Variants in BCL6 observed in about 807,000 individuals in gnomAD.
The protein encoded by BCL6 is B-cell lymphoma 6 protein.
In BCL6, 7 loss-of-function variants were observed where a neutral mutation model predicts 59.5. That is an observed-to-expected ratio of 0.12 (90% CI 0.07 to 0.22). The LOEUF (loss-of-function observed/expected upper bound fraction) is 0.22, where lower values mean the gene tolerates loss of function less well. Ranked by LOEUF, BCL6 falls within the 10% of genes least tolerant of loss-of-function variation. BCL6 has a pLI of 1.00. For synonymous variants in BCL6, 339 were observed against 349.7 expected (o/e 0.97, Z 0.34); for missense variants, 685 against 939.4 (o/e 0.73, Z 3.54).
At chr3:187,745,148 T>A (rs535344746) in intron 1 of BCL6, among the ~76,000 whole-genome samples, 1 of 152,204 alleles carries the variant, frequency 6.6e-6, no homozygotes, top group Middle Eastern at 3.4e-3. Context: ...CATAACAATC[T>A]ATATCCTATG....
chr3:187,728,971 C>T, intron 5 of BCL6, 79 bp downstream of exon 5: 1 of 1,490,630 alleles, frequency 6.7e-7, no homozygotes, highest in Non-Finnish European at 8.9e-7. Context: ...CTCAGCAATT[C>T]AGGCAAGAAA....
chr3:187,745,146 T>G (rs1239646414), intron 1 of BCL6, among the ~76,000 whole-genome samples: 3 of 151,992 alleles, frequency 2.0e-5, no homozygotes, highest in South Asian at 2.1e-4. Context: ...TACATAACAA[T>G]CTATATCCTA....
intron 1 of BCL6, among the ~76,000 whole-genome samples, chr3:187,744,616 T>G (rs1711799604): frequency 1.3e-5 from 2 of 152,114 alleles, no homozygotes; most frequent in Admixed American, 6.5e-5. Context: ...CGCTTGCATT[T>G]TTTCCTTCCA....
At chr3:187,744,715 T>A (rs1711811392) in intron 1 of BCL6, among the ~76,000 whole-genome samples, 1 of 151,824 alleles carries the variant, frequency 6.6e-6, no homozygotes, top group Non-Finnish European at 1.5e-5. Context: ...CAGCCTCCCT[T>A]TTTGCCTCCC....
chr3:187,737,801 C>T (rs1201554931), intron 1 of BCL6: 1 of 128,794 alleles, frequency 7.8e-6, no homozygotes, highest in Non-Finnish European at 1.5e-5. Context: ...ATGCAGCAGG[C>T]AATGAGGGGA....
chr3:187,745,247 C>A (rs189043889), intron 1 of BCL6, among the ~76,000 whole-genome samples, 163 bp downstream of exon 1: 3 of 151,770 alleles, frequency 2.0e-5, no homozygotes, highest in South Asian at 2.1e-4. Flanking sequence ...TCAATAGATA[C>A]ACATAGAAAA....
At chr3:187,741,412 T>C (rs2108479844) in intron 1 of BCL6, among the ~76,000 whole-genome samples, 1 of 152,164 alleles carries the variant, frequency 6.6e-6, no homozygotes, top group Admixed American at 6.5e-5. Flanking sequence ...AAGTCGGGAA[T>C]AAACTCCTGA....
At position 187,725,091 on chromosome 3, in the gene BCL6, G is replaced by A. The variant is rs200695327; in HGVS notation, c.1840-13C>T. 6.2e-7 allele frequency: 1 copy of A among 1,613,736 alleles called. No homozygotes were observed. Among genetic ancestry groups the A allele is most frequent in the East Asian group, 2.2e-5 (1 of 44,880 alleles). On this transcript the variant is annotated splice_polypyrimidine_tract_variant and intron_variant, in intron 8 of 9. Transcript: ENST00000406870. This position sits in a 1 kb window ranked among gnomAD's most constrained non-coding sequence, Gnocchi z 4.7. ...GGAGGTGGGCCACCTGAACGAAGAA[G>A]AAGGCATGAGAGGTCTTCTGGGGTG...
intron 1 of BCL6, among the ~76,000 whole-genome samples, chr3:187,745,145 A>G (rs559225125): frequency 3.9e-5 from 6 of 152,126 alleles, no homozygotes; most frequent in South Asian, 4.2e-4. Context: ...ATACATAACA[A>G]TCTATATCCT....
At chr3:187,744,687 G>A (rs1711808408) in intron 1 of BCL6, among the ~76,000 whole-genome samples, 2 of 152,280 alleles carry the variant, frequency 1.3e-5, no homozygotes, top group African/African-American at 2.4e-5. Flanking sequence ...AAGAGAGCCA[G>A]CGGGGCGAGC....
At position 187,722,323 on chromosome 3, in the gene BCL6, CCAA is replaced by C; in HGVS notation, c.*132_*134del. Reference sequence around the variant, plus strand: ...CCCCAGGCCCCGACCCCCACCACCCCCAACCCCCAGCTATGATTTGCACTAGTG... The same window carrying C: ...CCCCAGGCCCCGACCCCCACCACCCCCCCCCAGCTATGATTTGCACTAGTG... On this transcript the variant is annotated 3_prime_UTR_variant, in exon 10 of 10. Coordinates refer to ENST00000406870, the MANE Select transcript of BCL6 (RefSeq NM_001706.5). 1.6e-5 allele frequency: 10 copies of C among 642,640 alleles called. No individual in the cohort carries two copies. Among genetic ancestry groups the C allele is most frequent in the East Asian group, 4.1e-5 (1 of 24,120 alleles). 39.8% of individuals were successfully genotyped at this position (642,640 alleles called of 1,614,324 possible). A position where few individuals can be genotyped will look rare whatever the true frequency, so the allele number is the denominator to read the frequency against.
intron 2 of BCL6, 169 bp downstream of exon 2, chr3:187,734,700 C>T (rs2108473163): frequency 6.5e-6 from 1 of 152,672 alleles, no homozygotes; most frequent in South Asian, 2.1e-4. Flanking sequence ...AGTGGTAAGA[C>T]AGTCTAATAC....
intron 1 of BCL6, 56 bp downstream of exon 1, chr3:187,745,345 CCAGCGGCAA>C (rs890666828): frequency 1.5e-5 from 6 of 401,182 alleles, no homozygotes; most frequent in Non-Finnish European, 2.6e-5. Flanking sequence ...GGCAGCGGCA[CCAGCGGCAA>C]CAGCGGCGGC....
At chr3:187,733,435 C>A (rs931455667) in intron 3 of BCL6, 98 bp downstream of exon 3, 1 of 1,410,780 alleles carries the variant, frequency 7.1e-7, no homozygotes, top group Non-Finnish European at 9.8e-7. Flanking sequence ...GAGACGTCAT[C>A]CCAGATGCAG....
Position 187,721,595 on chromosome 3 carries a change from G to A in BCL6, c.*863C>T, listed in dbSNP as rs1718414321. The A allele has an allele frequency of 8.6e-6, 2 of 233,008 alleles. No homozygotes were observed. The highest frequency in any genetic ancestry group is 8.5e-6 in the Non-Finnish European group (1 of 117,740). 14.4% of individuals were successfully genotyped at this position (233,008 alleles called of 1,614,324 possible). Reference sequence around the variant, plus strand: ...CTTCAAAAAGGGATGGTGCACGCTCGCCCATCATTGAAAACTTCCGTGAAA... The same window carrying A: ...CTTCAAAAAGGGATGGTGCACGCTCACCCATCATTGAAAACTTCCGTGAAA... On this transcript the variant is annotated 3_prime_UTR_variant, in exon 10 of 10. Transcript: ENST00000406870. The surrounding 1 kb of genome is among the most constrained non-coding windows in gnomAD (Gnocchi z 4.2).
rs1389762502 is a variant in BCL6, at chr3:187,725,265, A to C, written c.1840-187T>G. On this transcript the variant is annotated intron_variant, in intron 8 of 9. Coordinates refer to ENST00000406870, the MANE Select transcript of BCL6 (RefSeq NM_001706.5). The surrounding 1 kb of genome is among the most constrained non-coding windows in gnomAD (Gnocchi z 4.7). Reference sequence around the variant, plus strand: ...TGCCCACTCCTCTGCTCACCTGCCCACTCTGCTCACCTACCCGCTCTGCTC... The same window carrying C: ...TGCCCACTCCTCTGCTCACCTGCCCCCTCTGCTCACCTACCCGCTCTGCTC... 7.0e-6 allele frequency among the ~76,000 whole-genome samples: 1 copy of C among 142,222 alleles called. No homozygotes were observed. The highest frequency in any genetic ancestry group is 1.5e-5 in the Non-Finnish European group (1 of 65,064). The allele number at this position is 142,222 out of a possible 152,430, so 93.3% of individuals were successfully genotyped here.
chr3:187,741,267 G>A (rs1319859446), intron 1 of BCL6, among the ~76,000 whole-genome samples: 1 of 152,186 alleles, frequency 6.6e-6, no homozygotes, highest in Non-Finnish European at 1.5e-5. Context: ...TGTATCATAA[G>A]TTGATTTCTC....
At chr3:187,732,886 A>C (rs930201631) in intron 3 of BCL6, among the ~76,000 whole-genome samples, 4 of 152,348 alleles carry the variant, frequency 2.6e-5, no homozygotes, top group African/African-American at 7.2e-5. Context: ...TCAAATAGCA[A>C]TAGAGATCCC....
At position 187,721,874 on chromosome 3, in the gene BCL6, G is replaced by A. The variant is rs1157035378; in HGVS notation, c.*584C>T. The stretch of plus-strand genomic sequence containing the variant: ...TTTCTCAATAAAGATTCTCAGATCC[G>A]TGTCTGCCTGCAGATACAAAATCGA... On this transcript the variant is annotated 3_prime_UTR_variant, in exon 10 of 10. Transcript: ENST00000406870. The surrounding 1 kb of genome is among the most constrained non-coding windows in gnomAD (Gnocchi z 4.2). The A allele has an allele frequency of 1.9e-5, 4 of 215,418 alleles. No individual in the cohort carries two copies. Among genetic ancestry groups the A allele is most frequent in the Non-Finnish European group, 3.7e-5 (4 of 107,300 alleles). 13.3% of individuals were successfully genotyped at this position (215,418 alleles called of 1,614,324 possible).
Sources: allele counts gnomAD v4.1 joint callset (sites outside exome capture counted in the v4.1 genomes callset), GRCh38; gene constraint gnomAD v4.1.1; non-coding constraint Gnocchi (gnomAD v3.1); transcripts MANE v1.5; gene names NCBI Gene and HGNC (gene_info 2026-07-23, HGNC 2026-07-21).